Variants in CACNA2D2 observed in about 807,000 individuals in gnomAD.
The protein encoded by CACNA2D2 is calcium voltage-gated channel auxiliary subunit alpha2delta 2, also known as voltage-dependent calcium channel subunit alpha-2/delta-2.
A neutral mutation model predicts 166.4 loss-of-function variants in CACNA2D2; 48 were observed. The observed-to-expected ratio is 0.29, with a 90% CI of 0.23 to 0.37. CACNA2D2 has a LOEUF of 0.37. CACNA2D2 is among the 10% of genes least tolerant of loss of function. The probability of loss-of-function intolerance (pLI) is 1.00; values close to 1 mark genes in which losing one functional copy is unlikely to be tolerated. For synonymous variants in CACNA2D2, 561 were observed against 573.7 expected (o/e 0.98, Z 0.32); for missense variants, 1,122 against 1,433.0 (o/e 0.78, Z 3.50).
At chr3:50,500,624 C>T (rs755969688) in intron 1 of CACNA2D2, among the ~76,000 whole-genome samples, 3 of 152,038 alleles carry the variant, frequency 2.0e-5, no homozygotes, top group Non-Finnish European at 2.9e-5. Context: ...AAGGTGTGCT[C>T]GGACTCAGGT....
At chr3:50,398,705 G>A (rs1179764143) in intron 3 of CACNA2D2, among the ~76,000 whole-genome samples, 2 of 152,136 alleles carry the variant, frequency 1.3e-5, no homozygotes, top group South Asian at 2.1e-4. Flanking sequence ...GGCCCGTGAC[G>A]TCCCCATCAT....
At position 50,378,315 on chromosome 3, in the gene CACNA2D2, G is replaced by A. The variant is rs774537459; in HGVS notation, c.1358C>T (p.Pro453Leu). The change falls in exon 14 of 38, where the codon CCT (proline) becomes CTT (leucine). Residue 453 changes from proline (P) to leucine (L), a missense_variant. Physicochemically the swap from Pro to Leu is moderately conservative, Grantham distance 98. Transcript: ENST00000424201. ...GTTGATGCGGATGGCTCCGATGGAA[G>A]GGATCTCAAAATAGTAGCCTGTGAA... The part of the protein sequence containing the change: ...CANKGYYFEI[P>L]SIGAIRINTQ... The A allele has an allele frequency of 1.3e-6, 2 of 1,552,150 alleles. No homozygotes were observed. Among genetic ancestry groups the A allele is most frequent in the Admixed American group, 2.0e-5 (1 of 51,106 alleles).
At chr3:50,371,533 C>A (rs1282575018) in intron 22 of CACNA2D2, among the ~76,000 whole-genome samples, 1 of 152,180 alleles carries the variant, frequency 6.6e-6, no homozygotes, top group Non-Finnish European at 1.5e-5. Flanking sequence ...GGGTGGTCCA[C>A]CTTCTTAGCC....
chr3:50,363,093 T>G lies in CACNA2D2; in HGVS notation c.*1573A>C, dbSNP rs1012467172. The G allele has an allele frequency of 7.5e-6, 3 of 398,582 alleles. No individual in the cohort carries two copies. The highest frequency in any genetic ancestry group is 6.2e-5 in the African/African-American group (3 of 48,592). 24.7% of individuals were successfully genotyped at this position (398,582 alleles called of 1,614,324 possible). ...TACCTGATGGGGATTGTTTTGTCTG[T>G]TTTTCTGTTTTTTAAACTTAAAATA... On this transcript the variant is annotated 3_prime_UTR_variant, in exon 38 of 38. Transcript: ENST00000424201.
intron 1 of CACNA2D2, among the ~76,000 whole-genome samples, chr3:50,484,138 C>A (rs183999564): frequency 1.3e-4 from 20 of 152,310 alleles, no homozygotes; most frequent in Non-Finnish European, 2.6e-4. Context: ...ATGGCAGCTC[C>A]CTCAGTTCAG....
At chr3:50,374,581 T>G (rs1182818380) in intron 22 of CACNA2D2, among the ~76,000 whole-genome samples, 156 bp downstream of exon 22, 1 of 152,000 alleles carries the variant, frequency 6.6e-6, no homozygotes, top group East Asian at 1.9e-4. Flanking sequence ...TTCCACAGAC[T>G]TTCGAGGTGC....
chr3:50,377,560 G>T lies in CACNA2D2; in HGVS notation c.1552-19C>A. ...GCTGGTTCTGGGAGCAGAAGCATGG[G>T]GGGCTCCTCAGTGAGCTCAATTCCA... On this transcript the variant is annotated intron_variant, in intron 16 of 37. Coordinates refer to ENST00000424201, the MANE Select transcript of CACNA2D2 (RefSeq NM_006030.4). 1 of 1,611,642 alleles carries T rather than the reference G, an allele frequency of 6.2e-7. No individual in the cohort carries two copies.
chr3:50,365,136 C>T lies in CACNA2D2; in HGVS notation c.3147G>A (p.Val1049=), dbSNP rs750675114. 1.2e-6 allele frequency: 2 copies of T among 1,612,172 alleles called. No homozygotes were observed. Among genetic ancestry groups the T allele is most frequent in the Non-Finnish European group, 1.7e-6 (2 of 1,179,718 alleles). Residue 1049 remains valine, a synonymous_variant, in exon 36 of 38, where the codon GTG becomes GTA. Coordinates refer to ENST00000424201, the MANE Select transcript of CACNA2D2 (RefSeq NM_006030.4). The surrounding 1 kb of genome is among the most constrained non-coding windows in gnomAD (Gnocchi z 4.5). ...RLTNTNLLFV[V]AEKPLCSQCE... ...ACTGGCTGCACAGCGGCTTCTCGGC[C>T]ACCACAAAGAGAAGATTGGTGTTGG...
At chr3:50,471,669 G>T (rs1710102612) in intron 2 of CACNA2D2, among the ~76,000 whole-genome samples, 1 of 152,202 alleles carries the variant, frequency 6.6e-6, no homozygotes, top group Admixed American at 6.5e-5. Context: ...GGTGGAAGGG[G>T]ACAGGGGGAG....
chr3:50,438,175 T>C (rs1356048798), intron 2 of CACNA2D2, among the ~76,000 whole-genome samples: 1 of 152,162 alleles, frequency 6.6e-6, no homozygotes, highest in Non-Finnish European at 1.5e-5. Flanking sequence ...AAGGGACAAT[T>C]CAGGAGTCTG....
At chr3:50,498,136 G>A (rs1698799861) in intron 1 of CACNA2D2, among the ~76,000 whole-genome samples, 1 of 152,114 alleles carries the variant, frequency 6.6e-6, no homozygotes, top group African/African-American at 2.4e-5. Flanking sequence ...GGAAGAGAGA[G>A]AAAGACCACT....
intron 3 of CACNA2D2, among the ~76,000 whole-genome samples, chr3:50,401,264 T>G (rs1353257316): frequency 1.3e-5 from 2 of 152,240 alleles, no homozygotes; most frequent in African/African-American, 4.8e-5. Context: ...AATGGATTTT[T>G]TTTTTAATTT....
intron 2 of CACNA2D2, among the ~76,000 whole-genome samples, chr3:50,453,106 C>T (rs1007111048): frequency 6.6e-6 from 1 of 152,172 alleles, no homozygotes; most frequent in African/African-American, 2.4e-5. Flanking sequence ...AGCCCATCTC[C>T]ACATCACTGA....
chr3:50,475,514 G>A (rs1333289317), intron 2 of CACNA2D2, among the ~76,000 whole-genome samples: 1 of 152,136 alleles, frequency 6.6e-6, no homozygotes, highest in Non-Finnish European at 1.5e-5. Flanking sequence ...AGGAGCCCGG[G>A]GCCTGACAGC....
chr3:50,406,821 C>T (rs878936364), intron 3 of CACNA2D2, among the ~76,000 whole-genome samples: 2 of 151,814 alleles, frequency 1.3e-5, no homozygotes, highest in African/African-American at 2.4e-5. Flanking sequence ...CTCATGTCTC[C>T]TGGTAATCAC....
chr3:50,387,684 G>T, intron 4 of CACNA2D2, 72 bp from the exon 5 acceptor site: 3 of 1,155,498 alleles, frequency 2.6e-6, no homozygotes, highest in South Asian at 1.4e-5. Flanking sequence ...TAGCCCCAAG[G>T]CCTGCATGGC....
At chr3:50,428,516 T>C (rs1707907029) in intron 3 of CACNA2D2, among the ~76,000 whole-genome samples, 1 of 152,204 alleles carries the variant, frequency 6.6e-6, no homozygotes, top group African/African-American at 2.4e-5. Context: ...AAGTGGCCAT[T>C]AGCAGCAAAA....
chr3:50,497,106 G>T (rs1296031884), intron 1 of CACNA2D2, among the ~76,000 whole-genome samples: 1 of 152,174 alleles, frequency 6.6e-6, no homozygotes, highest in African/African-American at 2.4e-5. Context: ...GACACCCAAG[G>T]TATGGCCAAA....
intron 1 of CACNA2D2, among the ~76,000 whole-genome samples, chr3:50,491,236 G>A (rs1484424738): frequency 6.6e-6 from 1 of 152,198 alleles, no homozygotes; most frequent in Admixed American, 6.5e-5. Context: ...GAGGTGGCAG[G>A]GGGAGCACCA....
Sources: gnomAD v4.1 joint callset for allele counts (sites outside exome capture counted in the v4.1 genomes callset) on GRCh38, gnomAD v4.1.1 for gene constraint, Gnocchi (gnomAD v3.1) non-coding constraint, MANE v1.5 for transcripts, NCBI Gene and HGNC (gene_info 2026-07-23, HGNC 2026-07-21) for gene names.